Variants in CCDC83 observed in about 807,000 individuals in gnomAD.
The protein encoded by CCDC83 is coiled-coil domain-containing protein 83.
Under a neutral mutation model 50.1 loss-of-function variants are expected in CCDC83, and 54 were observed. The observed-to-expected ratio is 1.08, with a 90% confidence interval of 0.87 to 1.35. The LOEUF (loss-of-function observed/expected upper bound fraction) is 1.35, where lower values mean the gene tolerates loss of function less well. Ranked by LOEUF, CCDC83 falls within the 40% of genes most tolerant of loss-of-function variation. CCDC83 has a pLI of 0.00. For synonymous variants in CCDC83, 161 were observed against 153.3 expected, an observed-to-expected ratio of 1.05 and a Z score of -0.37; for missense variants, 518 against 473.9, an observed-to-expected ratio of 1.09 and a Z score of -0.86.
At chr11:85,916,000 ATAAT>A (rs2093475539) in intron 9 of CCDC83, 24 bp from the exon 10 acceptor site, 16 of 1,438,228 alleles carry the variant, frequency 1.1e-5, no homozygotes, top group South Asian at 2.4e-5. Context: ...AAATGTATAC[ATAAT>A]TAATTCCTTT....
chr11:85,887,783 T>C (rs887182771), intron 5 of CCDC83, among the ~76,000 whole-genome samples: 2 of 150,138 alleles, frequency 1.3e-5, no homozygotes, highest in Non-Finnish European at 1.5e-5. Flanking sequence ...CTTCCAGTGG[T>C]TGCATGGTTT....
chr11:85,911,178 A>AT, intron 7 of CCDC83, 103 bp from the exon 8 acceptor site: 5 of 836,604 alleles, frequency 6.0e-6, no homozygotes, highest in East Asian at 4.1e-5. Context: ...TCTCAAATAA[A>AT]AAAAAAAAAA....
At chr11:85,882,817 T>C in intron 4 of CCDC83, 142 bp downstream of exon 4, 1 of 717,310 alleles carries the variant, frequency 1.4e-6, no homozygotes, top group Non-Finnish European at 2.3e-6. Context: ...CACAAACACA[T>C]GTAGGTAAAT....
intron 3 of CCDC83, among the ~76,000 whole-genome samples, chr11:85,878,362 C>G (rs1252519607): frequency 1.3e-5 from 2 of 152,230 alleles, no homozygotes; most frequent in African/African-American, 2.4e-5. Context: ...TCATTAGACC[C>G]TGGCAACCAT....
chr11:85,914,377 T>C (rs7126571), intron 8 of CCDC83, among the ~76,000 whole-genome samples: 7,112 of 152,220 alleles, frequency 0.047, 477 homozygotes, highest in African/African-American at 0.15. Flanking sequence ...TATTTTCTGA[T>C]TGAAAATTCA....
Position 85,916,301 on chromosome 11 carries a change from G to C in CCDC83, c.1080+68G>C, listed in dbSNP as rs12269739. ...TGTTTTGAGAAATGCTGTTTTAATTGAGAAAATTAACCTAAAATATGGATA... is the reference window on the plus strand; with the variant it reads ...TGTTTTGAGAAATGCTGTTTTAATTCAGAAAATTAACCTAAAATATGGATA... On this transcript the variant is annotated intron_variant, in intron 10 of 10. Coordinates refer to ENST00000342404, the MANE Select transcript of CCDC83 (RefSeq NM_001286159.2). The C allele has an allele frequency of 3.1e-3, 3,613 of 1,147,456 alleles. 62 individuals are homozygous for C. The African/African-American group carries it at 0.047, about 15-fold the overall frequency. The allele number at this position is 1,147,456 out of a possible 1,614,324, so 71.1% of individuals were successfully genotyped here.
chr11:85,864,288 A>G (rs1325817962), intron 1 of CCDC83, among the ~76,000 whole-genome samples: 1 of 152,230 alleles, frequency 6.6e-6, no homozygotes. Flanking sequence ...CTACTGATAC[A>G]TTTATTTAAG....
intron 7 of CCDC83, among the ~76,000 whole-genome samples, chr11:85,909,176 A>G (rs1020126782): frequency 5.3e-5 from 8 of 152,160 alleles, no homozygotes; most frequent in Non-Finnish European, 1.0e-4. Context: ...TGTGATAGAG[A>G]TATGCATGTG....
At position 85,895,377 on chromosome 11, in the gene CCDC83, C is replaced by G; in HGVS notation, c.596C>G (p.Ala199Gly). ...LLQLDQKKEW[A>G]TQNAVKLIDK... The stretch of plus-strand genomic sequence containing the variant: ...CAACTGGACCAAAAGAAGGAATGGG[C>G]CACACAGGTATAATTCAATTTTCTT... The change falls in exon 6 of 11, where the codon GCC becomes GGC. Residue 199 changes from alanine to glycine, a missense_variant. Physicochemically the swap from Ala to Gly is moderately conservative, Grantham distance 60. Coordinates refer to ENST00000342404, the MANE Select transcript of CCDC83 (RefSeq NM_001286159.2). 1 of 1,542,364 alleles carries G rather than the reference C, an allele frequency of 6.5e-7. No homozygotes were observed. Among genetic ancestry groups the G allele is most frequent in the South Asian group, 1.2e-5 (1 of 84,346 alleles).
At chr11:85,913,050 T>C (rs1424654540) in intron 8 of CCDC83, among the ~76,000 whole-genome samples, 1 of 152,226 alleles carries the variant, frequency 6.6e-6, no homozygotes, top group Non-Finnish European at 1.5e-5. Context: ...TCCTCGCTCT[T>C]CCCTATAAAA....
At chr11:85,872,451 C>T (rs893292682) in intron 2 of CCDC83, among the ~76,000 whole-genome samples, 40 of 152,126 alleles carry the variant, frequency 2.6e-4, no homozygotes, top group Admixed American at 9.2e-4. Context: ...TGCAACTGCA[C>T]TCCAGCCTGG....
At chr11:85,904,494 T>C (rs1487019164) in intron 7 of CCDC83, among the ~76,000 whole-genome samples, 2 of 152,222 alleles carry the variant, frequency 1.3e-5, no homozygotes, top group Non-Finnish European at 2.9e-5. Context: ...CAACCTGTGA[T>C]TCAATGCCAT....
At chr11:85,861,284 T>C (rs1005383614) in intron 1 of CCDC83, among the ~76,000 whole-genome samples, 1 of 152,216 alleles carries the variant, frequency 6.6e-6, no homozygotes, top group Non-Finnish European at 1.5e-5. Flanking sequence ...TTAATAAGGC[T>C]TTTGGAAGTA....
intron 1 of CCDC83, among the ~76,000 whole-genome samples, chr11:85,857,858 G>A (rs772704822): frequency 1.3e-4 from 20 of 152,166 alleles, no homozygotes; most frequent in Non-Finnish European, 1.6e-4. Context: ...GCTATGAGGT[G>A]GCCACCATAG....
intron 1 of CCDC83, among the ~76,000 whole-genome samples, chr11:85,859,473 A>T (rs1281148786): frequency 6.6e-6 from 1 of 152,218 alleles, no homozygotes; most frequent in African/African-American, 2.4e-5. Context: ...AAAAACAGAC[A>T]TATAAACTAA....
At chr11:85,898,596 T>C (rs1478573071) in intron 6 of CCDC83, among the ~76,000 whole-genome samples, 2 of 152,252 alleles carry the variant, frequency 1.3e-5, no homozygotes, top group African/African-American at 2.4e-5. Context: ...TGTTGGATTA[T>C]GTCTGTGACT....
intron 10 of CCDC83, among the ~76,000 whole-genome samples, chr11:85,917,134 A>AGAGAGAG (rs2093481005): frequency 1.3e-5 from 1 of 77,882 alleles, no homozygotes; most frequent in African/African-American, 6.2e-5. Context: ...AAGAAAAAGA[A>AGAGAGAG]AGAGAGAGAG....
At chr11:85,882,136 A>T (rs4944542) in intron 3 of CCDC83, among the ~76,000 whole-genome samples, 59,187 of 129,710 alleles carry the variant, frequency 0.46, 11,928 homozygotes, top group African/African-American at 0.53. Flanking sequence ...AAAAAAACAA[A>T]AATAATAATA....
In CCDC83 at chr11:85,896,762, A is replaced by ATT. The variant is rs11313356; in HGVS notation, c.603+1392_603+1393dup. On this transcript the variant is annotated intron_variant, in intron 6 of 10. Transcript: ENST00000342404. ...CCTTTGTTTTTACACAAAATATCTG[A>ATT]TTTTTTTTTTTTTTTAACAATCTTG... Among the ~76,000 whole-genome samples the ATT allele has an allele frequency of 1.5e-3, 223 of 146,812 alleles. 2 individuals are homozygous for ATT. The highest frequency in any genetic ancestry group is 0.011 in the East Asian group (56 of 4,964).
Sources: allele counts gnomAD v4.1 joint callset (sites outside exome capture counted in the v4.1 genomes callset), GRCh38; gene constraint gnomAD v4.1.1; transcripts MANE v1.5; gene names NCBI Gene and HGNC (gene_info 2026-07-23, HGNC 2026-07-21).